The following FOXN2 variants were observed in gnomAD, a reference collection of about 807,000 sequenced individuals.
FOXN2 encodes forkhead box N2, also known as forkhead box protein N2.
A neutral mutation model predicts 41.2 loss-of-function variants in FOXN2; 19 were observed. That is an observed-to-expected ratio of 0.46 (90% CI 0.32 to 0.68). The LOEUF (loss-of-function observed/expected upper bound fraction) is 0.68, where lower values mean the gene tolerates loss of function less well. FOXN2 is among the 30% of genes least tolerant of loss of function. The pLI is 0.03. For missense variants in FOXN2, 587 were observed against 509.4 expected (o/e 1.15, Z -1.47); for synonymous variants, 195 against 176.8 (o/e 1.10, Z -0.82).
At chr2:48,370,327 A>C (rs781127248) in intron 5 of FOXN2, among the ~76,000 whole-genome samples, 3 of 152,026 alleles carry the variant, frequency 2.0e-5, no homozygotes, top group Non-Finnish European at 4.4e-5. Context: ...AAAAGACAGG[A>C]ATTGGAGAGG....
intron 2 of FOXN2, among the ~76,000 whole-genome samples, chr2:48,344,084 T>G (rs1355740842): frequency 6.6e-6 from 1 of 151,932 alleles, no homozygotes; most frequent in East Asian, 1.9e-4. Flanking sequence ...AAGCAAGACA[T>G]TATTCAATTC....
intron 4 of FOXN2, among the ~76,000 whole-genome samples, chr2:48,360,574 T>G (rs1466915420): frequency 6.6e-6 from 1 of 152,180 alleles, no homozygotes; most frequent in Non-Finnish European, 1.5e-5. Flanking sequence ...TTTACCATAT[T>G]ATAGATTAGA....
In FOXN2 at chr2:48,377,148, C is replaced by T. The variant is rs1370955963; in HGVS notation, c.*1705C>T. The T allele has an allele frequency of 1.3e-5, 2 of 151,592 alleles. No homozygotes were observed. Among genetic ancestry groups the T allele is most frequent in the African/African-American group, 4.8e-5 (2 of 41,304 alleles). 9.4% of individuals were successfully genotyped at this position (151,592 alleles called of 1,614,324 possible). On this transcript the variant is annotated 3_prime_UTR_variant, in exon 7 of 7. Transcript: ENST00000340553. ...GGATAGCCACATTAATGAATTGGTG[C>T]TGTCAAAATATAGTAATTTTTAAAT...
intron 2 of FOXN2, among the ~76,000 whole-genome samples, chr2:48,336,935 C>T (rs1002679776): frequency 6.6e-6 from 1 of 151,804 alleles, no homozygotes; most frequent in Non-Finnish European, 1.5e-5. Flanking sequence ...TCATTTCAAG[C>T]ATTTATCCTT....
At chr2:48,318,958 C>G (rs1669110275) in intron 1 of FOXN2, among the ~76,000 whole-genome samples, 1 of 152,164 alleles carries the variant, frequency 6.6e-6, no homozygotes, top group Non-Finnish European at 1.5e-5. Context: ...AAATAGCCAT[C>G]TCTTTGCTCC....
chr2:48,340,433 G>A (rs1443250407), intron 2 of FOXN2, among the ~76,000 whole-genome samples: 10 of 151,992 alleles, frequency 6.6e-5, no homozygotes, highest in Admixed American at 6.6e-4. Context: ...TCCTAGAGTA[G>A]GATATCACTA....
At chr2:48,325,848 T>C (rs907071756) in intron 1 of FOXN2, among the ~76,000 whole-genome samples, 33 of 145,746 alleles carry the variant, frequency 2.3e-4, no homozygotes, top group African/African-American at 7.6e-4. Flanking sequence ...AGATTTCTTT[T>C]TTTTTTTTTT....
chr2:48,318,230 C>T (rs1669064460), intron 1 of FOXN2, among the ~76,000 whole-genome samples: 1 of 152,200 alleles, frequency 6.6e-6, no homozygotes, highest in African/African-American at 2.4e-5. Context: ...TAACTACATA[C>T]TTTATTCCTA....
At chr2:48,350,252 A>G (rs1381184813) in intron 3 of FOXN2, among the ~76,000 whole-genome samples, 1 of 152,218 alleles carries the variant, frequency 6.6e-6, no homozygotes, top group Non-Finnish European at 1.5e-5. Flanking sequence ...TTTTCTGCTC[A>G]TTCCCATTAT....
At chr2:48,340,157 T>G (rs1488670434) in intron 2 of FOXN2, among the ~76,000 whole-genome samples, 2 of 152,232 alleles carry the variant, frequency 1.3e-5, no homozygotes, top group South Asian at 2.1e-4. Flanking sequence ...AAATTCTGAT[T>G]GGTTAAATCA....
chr2:48,374,934 C>G lies in FOXN2; in HGVS notation c.787C>G (p.Pro263Ala). The change falls in exon 7 of 7, where the codon CCT becomes GCT. Residue 263 changes from proline to alanine, a missense_variant. Pro to Ala is a conservative substitution (Grantham distance 27). Coordinates refer to ENST00000340553, the MANE Select transcript of FOXN2 (RefSeq NM_002158.4). ...QGILECEKPL[P>A]LKTALQKKRS... Reference sequence around the variant, plus strand: ...ATTTTCCACAGGTGAGAAGCCTCTTCCTCTTAAAACAGCATTGCAAAAAAA... The same window carrying G: ...ATTTTCCACAGGTGAGAAGCCTCTTGCTCTTAAAACAGCATTGCAAAAAAA... The G allele has an allele frequency of 1.2e-6, 2 of 1,609,738 alleles. No homozygotes were observed. Among genetic ancestry groups the G allele is most frequent in the Non-Finnish European group, 1.7e-6 (2 of 1,177,024 alleles).
At chr2:48,321,413 G>A (rs1351176683) in intron 1 of FOXN2, among the ~76,000 whole-genome samples, 5 of 152,130 alleles carry the variant, frequency 3.3e-5, no homozygotes, top group Non-Finnish European at 7.3e-5. Context: ...GCGAGTGCCT[G>A]TAGTCCCAGC....
intron 5 of FOXN2, among the ~76,000 whole-genome samples, chr2:48,370,279 AT>A (rs1672804766): frequency 6.6e-6 from 1 of 152,206 alleles, no homozygotes; most frequent in African/African-American, 2.4e-5. Flanking sequence ...ACGTGTTAGA[AT>A]ACTGAACTCA....
intron 1 of FOXN2, among the ~76,000 whole-genome samples, chr2:48,326,131 T>A (rs1330432056): frequency 6.6e-6 from 1 of 152,176 alleles, no homozygotes; most frequent in Non-Finnish European, 1.5e-5. Context: ...ATTACAGACA[T>A]GAGCCACCGT....
intron 3 of FOXN2, among the ~76,000 whole-genome samples, chr2:48,358,429 A>G (rs898983265): frequency 1.3e-5 from 2 of 152,186 alleles, no homozygotes; most frequent in African/African-American, 2.4e-5. Flanking sequence ...CAAAAATTAA[A>G]TGATTTGCCC....
chr2:48,375,582 T>G lies in FOXN2; in HGVS notation c.*139T>G. ...TTCAAAACATTTTTGGTTTTTGGTT[T>G]TTAAAATTTTTATTAAACAATTGCT... On this transcript the variant is annotated 3_prime_UTR_variant, in exon 7 of 7. Transcript: ENST00000340553. 1.2e-6 allele frequency: 1 copy of G among 820,680 alleles called. No individual in the cohort carries two copies. Among genetic ancestry groups the G allele is most frequent in the Non-Finnish European group, 1.8e-6 (1 of 542,900 alleles). The allele number at this position is 820,680 out of a possible 1,614,324, so 50.8% of individuals were successfully genotyped here.
rs1291942650 is a variant in FOXN2 at position 48,378,467 on chromosome 2, G to A, written c.*3024G>A. 1.3e-5 allele frequency: 2 copies of A among 151,338 alleles called. No homozygotes were observed. Among genetic ancestry groups the A allele is most frequent in the African/African-American group, 4.9e-5 (2 of 41,016 alleles). The allele number at this position is 151,338 out of a possible 1,614,324, so 9.4% of individuals were successfully genotyped here. ...TCAGTTAAATATACTTTAGCACAAA[G>A]TCAAACTAGAGAATGTGTTAAGGAG... is the stretch of plus-strand genomic sequence containing the variant. On this transcript the variant is annotated 3_prime_UTR_variant, in exon 7 of 7. Coordinates refer to ENST00000340553, the MANE Select transcript of FOXN2 (RefSeq NM_002158.4).
intron 1 of FOXN2, among the ~76,000 whole-genome samples, chr2:48,325,511 A>G (rs993538786): frequency 6.6e-6 from 1 of 150,690 alleles, no homozygotes; most frequent in African/African-American, 2.4e-5. Context: ...TAGATCTCAC[A>G]TGTATGTATC....
Position 48,375,274 on chromosome 2 carries a change from CT to C in FOXN2, c.1128del (p.Glu377LysfsTer38). On this transcript the variant is annotated frameshift_variant, in exon 7 of 7. Transcript: ENST00000340553. LOFTEE classifies it high-confidence loss of function. ...GCATCACAGCCTTGTGCAAAAATCT[CT>C]GAAAAAGGGCAGTCAGGCAAAAAGA... ...GYASQPCAKI[S>X]EKGQSGKKMR... 1 of 1,613,980 alleles carries C rather than the reference CT, an allele frequency of 6.2e-7. No homozygotes were observed. Among genetic ancestry groups the C allele is most frequent in the Non-Finnish European group, 8.5e-7 (1 of 1,179,992 alleles).
Sources: gnomAD v4.1 joint callset for allele counts (sites outside exome capture counted in the v4.1 genomes callset) on GRCh38, gnomAD v4.1.1 for gene constraint, MANE v1.5 for transcripts, NCBI Gene and HGNC (gene_info 2026-07-23, HGNC 2026-07-21) for gene names.